Variants in ATXN1 observed in about 807,000 individuals in gnomAD.
ATXN1 encodes ataxin 1, also known as ataxin-1.
In ATXN1, 8 loss-of-function variants were observed where a neutral mutation model predicts 56.4. The ratio of observed to expected loss-of-function variants is 0.14; its 90% confidence interval spans 0.08 to 0.26. The LOEUF (loss-of-function observed/expected upper bound fraction) is 0.26, where lower values mean the gene tolerates loss of function less well. ATXN1 is among the 10% of genes least tolerant of loss of function. ATXN1 has a pLI of 1.00. For missense variants in ATXN1, 987 were observed against 1,106.5 expected (o/e 0.89, Z 1.53); for synonymous variants, 514 against 494.6 (o/e 1.04, Z -0.52).
chr6:16,694,520 G>A (rs111807904), intron 2 of ATXN1, among the ~76,000 whole-genome samples: 12,784 of 152,208 alleles, frequency 0.084, 1,784 homozygotes, highest in African/African-American at 0.29. Context: ...AATGAGGAAC[G>A]TAACAAAATA....
chr6:16,559,144 A>G (rs933151756), intron 4 of ATXN1, among the ~76,000 whole-genome samples: 2 of 152,200 alleles, frequency 1.3e-5, no homozygotes, highest in African/African-American at 4.8e-5. Context: ...TCGTCTGTGG[A>G]GAAAAGCACA....
chr6:16,605,301 C>T (rs1762983595), intron 3 of ATXN1, among the ~76,000 whole-genome samples: 1 of 152,142 alleles, frequency 6.6e-6, no homozygotes, highest in Non-Finnish European at 1.5e-5. Context: ...TAGAATGGAC[C>T]TTGAGGAGAT....
chr6:16,573,583 G>A (rs1762369660), intron 4 of ATXN1, among the ~76,000 whole-genome samples: 1 of 152,084 alleles, frequency 6.6e-6, no homozygotes, highest in African/African-American at 2.4e-5. Flanking sequence ...CCATAAACAA[G>A]AACTGGGAAC....
At chr6:16,462,984 C>T (rs1760030002) in intron 6 of ATXN1, among the ~76,000 whole-genome samples, 1 of 152,054 alleles carries the variant, frequency 6.6e-6, no homozygotes, top group South Asian at 2.1e-4. Context: ...TGCAGCAGCA[C>T]CCCCACCACT....
intron 2 of ATXN1, among the ~76,000 whole-genome samples, chr6:16,689,497 T>C (rs1484193063): frequency 1.4e-5 from 2 of 142,994 alleles, no homozygotes; most frequent in Non-Finnish European, 3.0e-5. Flanking sequence ...TTTTTTTTCC[T>C]TCCTTTTTTT....
At chr6:16,492,289 G>A (rs1221836654) in intron 5 of ATXN1, among the ~76,000 whole-genome samples, 1 of 150,392 alleles carries the variant, frequency 6.6e-6, no homozygotes, top group Non-Finnish European at 1.5e-5. Flanking sequence ...TGGGGGGAGC[G>A]GGGAGGGATA....
rs536491774 is a variant in ATXN1, at chr6:16,521,285, C to T, written c.-299+1342G>A. Among the ~76,000 whole-genome samples, 37 of 152,288 alleles carry T rather than the reference C, an allele frequency of 2.4e-4. No homozygotes were observed. The South Asian group carries it at 2.9e-3, about 12-fold the overall frequency. On this transcript the variant is annotated intron_variant, in intron 5 of 7. Coordinates refer to ENST00000436367, the MANE Select transcript of ATXN1 (RefSeq NM_001128164.2). ...TTTAAAAAAAACGAATAAATGGGGC[C>T]GGGCGCGGTGGCTCACGCCTGTAAT...
At chr6:16,568,106 C>T (rs1762262082) in intron 4 of ATXN1, among the ~76,000 whole-genome samples, 1 of 152,214 alleles carries the variant, frequency 6.6e-6, no homozygotes, top group Admixed American at 6.5e-5. Flanking sequence ...TCTGCGCCCC[C>T]TTCTTTTAAA....
chr6:16,646,985 GTTT>G (rs1249824394), intron 3 of ATXN1, among the ~76,000 whole-genome samples: 1 of 151,892 alleles, frequency 6.6e-6, no homozygotes, highest in Non-Finnish European at 1.5e-5. Flanking sequence ...ACTCATTTAG[GTTT>G]TTTTGTTTGT....
intron 2 of ATXN1, among the ~76,000 whole-genome samples, chr6:16,744,257 TA>T (rs956588222): frequency 3.9e-5 from 6 of 152,120 alleles, no homozygotes; most frequent in African/African-American, 1.4e-4. Flanking sequence ...GGAGAAGAGC[TA>T]CAACAGGAAA....
intron 5 of ATXN1, among the ~76,000 whole-genome samples, chr6:16,501,397 G>A (rs1760882790): frequency 6.6e-6 from 1 of 152,140 alleles, no homozygotes. Flanking sequence ...ATGGTGGTTT[G>A]CTGCACCTAT....
intron 2 of ATXN1, among the ~76,000 whole-genome samples, chr6:16,728,325 G>A (rs956806264): frequency 6.6e-5 from 10 of 152,220 alleles, no homozygotes; most frequent in South Asian, 4.1e-4. Context: ...AAAACTTTCC[G>A]TCCCGGAGAA....
intron 6 of ATXN1, among the ~76,000 whole-genome samples, chr6:16,433,526 G>GC (rs1265074152): frequency 6.6e-6 from 1 of 152,196 alleles, no homozygotes. Context: ...TCCTGGTTAA[G>GC]CACCCCTTTG....
intron 4 of ATXN1, among the ~76,000 whole-genome samples, chr6:16,524,308 A>G (rs189108106): frequency 6.6e-6 from 1 of 152,322 alleles, no homozygotes; most frequent in East Asian, 1.9e-4. Flanking sequence ...TTATGCTCCA[A>G]TTGAAAAAAA....
rs184339344 is a variant in ATXN1 at position 16,706,428 on chromosome 6, C to G, written c.-615+46805G>C. Among the ~76,000 whole-genome samples the G allele has an allele frequency of 6.8e-4, 103 of 152,162 alleles. No individual in the cohort carries two copies. In the Middle Eastern group the frequency reaches 0.01, roughly 15 times the overall value. On this transcript the variant is annotated intron_variant, in intron 2 of 7. Transcript: ENST00000436367. The stretch of plus-strand genomic sequence containing the variant: ...GAGAGGCAGAGAGAAAGAAAGAGAT[C>G]TTAAAGGAAGAGAGGGCCGGGCACA...
At chr6:16,509,927 T>C (rs559762724) in intron 5 of ATXN1, among the ~76,000 whole-genome samples, 119 of 152,294 alleles carry the variant, frequency 7.8e-4, no homozygotes, top group African/African-American at 2.6e-3. Context: ...TTCCAGAATC[T>C]GCGTCTCTGG....
intron 3 of ATXN1, chr6:16,653,091 T>G (rs1247385238): frequency 6.6e-6 from 1 of 152,262 alleles, no homozygotes; most frequent in Non-Finnish European, 1.5e-5. Flanking sequence ...AATGTCCTGA[T>G]GGCCACGCTG....
At chr6:16,487,284 C>CAG (rs3831516) in intron 5 of ATXN1, among the ~76,000 whole-genome samples, 81,507 of 151,684 alleles carry the variant, frequency 0.54, 22,262 homozygotes, top group South Asian at 0.66. Flanking sequence ...ACAGAAAAAA[C>CAG]AGTTGTAGTA....
chr6:16,347,068 C>T (rs1380067743), intron 6 of ATXN1, among the ~76,000 whole-genome samples: 1 of 152,244 alleles, frequency 6.6e-6, no homozygotes, highest in Non-Finnish European at 1.5e-5. Flanking sequence ...GCCTTAGCTG[C>T]CTTCTGGCGG....
Sources: allele counts gnomAD v4.1 joint callset (sites outside exome capture counted in the v4.1 genomes callset), GRCh38; gene constraint gnomAD v4.1.1; transcripts MANE v1.5; gene names NCBI Gene and HGNC (gene_info 2026-07-23, HGNC 2026-07-21).